The following HPF1 variants were observed in gnomAD, a reference collection of about 807,000 sequenced individuals.
HPF1 encodes UPF0609 protein C4orf27.
HPF1 carries 35 observed loss-of-function variants against 38.8 expected under a neutral mutation model. The observed-to-expected ratio is 0.90, with a 90% CI of 0.69 to 1.19. HPF1 has a LOEUF of 1.19. Among genes scored for constraint, HPF1 ranks in the 50% most tolerant of loss-of-function variants. The pLI is 0.00. For missense variants in HPF1, 367 were observed against 405.8 expected, an observed-to-expected ratio of 0.90 and a Z score of 0.82; for synonymous variants, 115 against 139.2, an observed-to-expected ratio of 0.83 and a Z score of 1.22.
At chr4:169,738,959 GT>G (rs1405348040) in intron 5 of HPF1, among the ~76,000 whole-genome samples, 1 of 151,368 alleles carries the variant, frequency 6.6e-6, no homozygotes, top group Admixed American at 6.6e-5. Flanking sequence ...TGGACACAGA[GT>G]GGGGAACATC....
At position 169,750,716 on chromosome 4, in the gene HPF1, G is replaced by A. The variant is rs780310618; in HGVS notation, c.218C>T (p.Ser73Phe). 17 of 1,601,204 alleles carry A rather than the reference G, an allele frequency of 1.1e-5. No individual in the cohort carries two copies. Among genetic ancestry groups the A allele is most frequent in the Non-Finnish European group, 1.4e-5 (16 of 1,174,550 alleles). The change falls in exon 3 of 8, where the codon TCT becomes TTT. Residue 73 changes from serine to phenylalanine, a missense_variant. Transcript: ENST00000393381. ...AACTAATTGAAGTCCAAGGCTTGCA[G>A]AAAGTGAATCTATAAAGAAAATAAA... Reference protein sequence around the residue: ...LDPEKPSDSLSASLGLQLVGP... With the variant: ...LDPEKPSDSLFASLGLQLVGP...
At chr4:169,742,955 G>A (rs960282892) in intron 4 of HPF1, among the ~76,000 whole-genome samples, 2 of 151,538 alleles carry the variant, frequency 1.3e-5, no homozygotes, top group African/African-American at 4.8e-5. Context: ...ACAAAAATTA[G>A]CTGGGCATGG....
intron 4 of HPF1, among the ~76,000 whole-genome samples, chr4:169,747,829 G>GA (rs1734068549): frequency 6.6e-6 from 1 of 152,252 alleles, no homozygotes. Flanking sequence ...GAGCACAGCT[G>GA]TAGAGGCATC....
chr4:169,736,454 C>T (rs1313056779), intron 6 of HPF1, among the ~76,000 whole-genome samples: 1 of 151,900 alleles, frequency 6.6e-6, no homozygotes, highest in Non-Finnish European at 1.5e-5. Flanking sequence ...TCACACTGGA[C>T]AGCTCAGCCA....
intron 3 of HPF1, among the ~76,000 whole-genome samples, chr4:169,749,383 G>A (rs1286833978): frequency 1.3e-5 from 2 of 151,812 alleles, no homozygotes; most frequent in African/African-American, 4.9e-5. Flanking sequence ...TAGGTACATC[G>A]TCCTATTATT....
chr4:169,731,384 G>A (rs556123259), intron 7 of HPF1, among the ~76,000 whole-genome samples: 1 of 152,200 alleles, frequency 6.6e-6, no homozygotes, highest in East Asian at 1.9e-4. Context: ...GTACACACAC[G>A]GCAAGAAGGC....
chr4:169,751,500 TG>T lies in HPF1; in HGVS notation c.209-776del, dbSNP rs1265457056. 2.0e-5 allele frequency among the ~76,000 whole-genome samples: 3 copies of T among 152,176 alleles called. No homozygotes were observed. In the East Asian group the frequency reaches 5.8e-4, roughly 29 times the overall value. ...TCCCCTGACTCTTTGACAATCTATT[TG>T]GCCAACCCTAACCCTGGATGACTCC... On this transcript the variant is annotated intron_variant, in intron 2 of 7. Transcript: ENST00000393381.
intron 6 of HPF1, among the ~76,000 whole-genome samples, chr4:169,736,210 C>A (rs1364038620): frequency 6.6e-6 from 1 of 151,746 alleles, no homozygotes; most frequent in Non-Finnish European, 1.5e-5. Flanking sequence ...GAGACCCCGT[C>A]TCTACAGGAC....
At chr4:169,743,409 CTTTTTTTT>C (rs34941625) in intron 4 of HPF1, among the ~76,000 whole-genome samples, 85 of 69,756 alleles carry the variant, frequency 1.2e-3, no homozygotes, top group African/African-American at 5.0e-3. Context: ...TGCCCCTGGC[CTTTTTTTT>C]TTTTTTTTTT....
chr4:169,729,579 C>T lies in HPF1; in HGVS notation c.1040G>A (p.Ter347=). The T allele has an allele frequency of 1.3e-6, 2 of 1,527,284 alleles. No homozygotes were observed. Among genetic ancestry groups the T allele is most frequent in the Non-Finnish European group, 1.8e-6 (2 of 1,139,056 alleles). The allele number at this position is 1,527,284 out of a possible 1,614,324, so 94.6% of individuals were successfully genotyped here. A position where few individuals can be genotyped will look rare whatever the true frequency, so the allele number is the denominator to read the frequency against. ...SQENIDQLAA[*] ...GTACACCAATCAAAGCCACCTTACT[C>T]ATGCAGCAAGTTGGTCTATGTTCTC... Residue 347 remains the stop codon, a stop_retained_variant, in exon 8 of 8, where the codon TGA becomes TAA. Transcript: ENST00000393381.
At chr4:169,730,147 G>A (rs952753968) in intron 7 of HPF1, among the ~76,000 whole-genome samples, 2 of 152,054 alleles carry the variant, frequency 1.3e-5, no homozygotes, top group Non-Finnish European at 2.9e-5. Flanking sequence ...TCCCCAACAC[G>A]TACCGCCTCC....
Position 169,730,486 on chromosome 4 carries a change from G to A in HPF1, c.910-777C>T, listed in dbSNP as rs573156490. On this transcript the variant is annotated intron_variant, in intron 7 of 7. Coordinates refer to ENST00000393381, the MANE Select transcript of HPF1 (RefSeq NM_017867.3). ...TTACTGATAACTATCTATGAGGTGG[G>A]CAAAGAAAAGTAGTATAATATGGTT... 4.3e-4 allele frequency among the ~76,000 whole-genome samples: 66 copies of A among 152,280 alleles called. 2 individuals carry two copies. In the South Asian group the frequency reaches 0.012, roughly 27 times the overall value.
At chr4:169,748,896 G>A in intron 3 of HPF1, 54 bp from the exon 4 acceptor site, 1 of 814,850 alleles carries the variant, frequency 1.2e-6, no homozygotes, top group Non-Finnish European at 2.0e-6. Context: ...ATATTATCAG[G>A]CAAGTGGGAT....
At chr4:169,753,566 G>A (rs1419387398) in intron 2 of HPF1, 110 bp downstream of exon 2, 1 of 911,540 alleles carries the variant, frequency 1.1e-6, no homozygotes, top group Non-Finnish European at 1.7e-6. Context: ...CTGGCCTCAG[G>A]CAATCCTCCT....
At chr4:169,729,921 G>C (rs1404416692) in intron 7 of HPF1, among the ~76,000 whole-genome samples, 1 of 152,148 alleles carries the variant, frequency 6.6e-6, no homozygotes, top group Non-Finnish European at 1.5e-5. Context: ...GGCATATCTT[G>C]AAAATTAAGA....
intron 5 of HPF1, among the ~76,000 whole-genome samples, chr4:169,741,296 G>T (rs1252048724): frequency 6.6e-6 from 1 of 152,174 alleles, no homozygotes; most frequent in African/African-American, 2.4e-5. Context: ...ATGGTGAGAG[G>T]CTGGAGGAGA....
intron 4 of HPF1, among the ~76,000 whole-genome samples, chr4:169,742,558 C>T (rs577281996): frequency 1.2e-4 from 19 of 152,274 alleles, no homozygotes; most frequent in African/African-American, 3.9e-4. Context: ...TTTGGGAGGC[C>T]AAGGCGGGCG....
At chr4:169,735,474 C>T (rs1342067545) in intron 6 of HPF1, among the ~76,000 whole-genome samples, 1 of 152,142 alleles carries the variant, frequency 6.6e-6, no homozygotes, top group Admixed American at 6.5e-5. Context: ...AAGATTAGGT[C>T]CTTCAGTCTT....
At chr4:169,746,306 G>A (rs1396097690) in intron 4 of HPF1, among the ~76,000 whole-genome samples, 1 of 152,118 alleles carries the variant, frequency 6.6e-6, no homozygotes, top group Non-Finnish European at 1.5e-5. Context: ...TAAACAGCTA[G>A]AAGTGAAATT....
Sources: gnomAD v4.1 joint callset for allele counts (sites outside exome capture counted in the v4.1 genomes callset) on GRCh38, gnomAD v4.1.1 for gene constraint, MANE v1.5 for transcripts, NCBI Gene and HGNC (gene_info 2026-07-23, HGNC 2026-07-21) for gene names.